RARB: variants seen among roughly 807,000 people sequenced by gnomAD.
RARB encodes the protein retinoic acid receptor beta, also known as HBV-activated protein.
In RARB, 17 loss-of-function variants were observed where a neutral mutation model predicts 51.9. The ratio of observed to expected loss-of-function variants is 0.33; its 90% CI spans 0.22 to 0.49. RARB has a LOEUF of 0.49. RARB is among the 20% of genes least tolerant of loss of function. RARB has a pLI of 0.99. For missense variants in RARB, 369 were observed against 550.8 expected (o/e 0.67, Z 3.30); for synonymous variants, 215 against 195.4 (o/e 1.10, Z -0.84).
intron 2 of RARB, among the ~76,000 whole-genome samples, chr3:24,942,845 T>C (rs1695697221): frequency 6.6e-6 from 1 of 152,206 alleles, no homozygotes; most frequent in Non-Finnish European, 1.5e-5. Flanking sequence ...TTCATAAGAT[T>C]TCACAAAATC....
chr3:25,528,181 C>T (rs1698737684), intron 3 of RARB, among the ~76,000 whole-genome samples: 1 of 152,208 alleles, frequency 6.6e-6, no homozygotes, highest in African/African-American at 2.4e-5. Context: ...AGAGCCTGCC[C>T]ACCATGGAGT....
chr3:25,465,582 C>T (rs763997010), intron 2 of RARB, among the ~76,000 whole-genome samples: 7 of 152,170 alleles, frequency 4.6e-5, no homozygotes, highest in African/African-American at 1.4e-4. Context: ...CTGCTGCAGC[C>T]ATACGATGGT....
chr3:25,019,123 A>T (rs923537601), intron 2 of RARB, among the ~76,000 whole-genome samples: 1 of 152,210 alleles, frequency 6.6e-6, no homozygotes, highest in Admixed American at 6.5e-5. Context: ...TTATAGCCAT[A>T]GAGTTCTCAT....
intron 5 of RARB, among the ~76,000 whole-genome samples, chr3:25,401,852 C>G (rs1227491223): frequency 2.0e-5 from 3 of 152,194 alleles, no homozygotes; most frequent in Non-Finnish European, 4.4e-5. Context: ...TCTAGGTTCA[C>G]TACAACCTCT....
chr3:25,506,182 G>C (rs1181247433), intron 3 of RARB, among the ~76,000 whole-genome samples: 3 of 149,638 alleles, frequency 2.0e-5, no homozygotes, highest in Non-Finnish European at 4.4e-5. Context: ...GAACTTGGGA[G>C]GCGGAGGTTG....
intron 2 of RARB, among the ~76,000 whole-genome samples, chr3:24,948,527 T>C (rs924517751): frequency 1.3e-5 from 2 of 152,184 alleles, no homozygotes; most frequent in Non-Finnish European, 2.9e-5. Flanking sequence ...TGAAAGACAA[T>C]TGAAGAGGTA....
At chr3:25,158,584 CAG>C (rs1468011713) in intron 4 of RARB, among the ~76,000 whole-genome samples, 2 of 152,056 alleles carry the variant, frequency 1.3e-5, no homozygotes, top group Non-Finnish European at 2.9e-5. Context: ...AGAATAATTT[CAG>C]AAGAAAGTCT....
intron 1 of RARB, among the ~76,000 whole-genome samples, chr3:25,445,117 T>G (rs1225224799): frequency 6.6e-6 from 1 of 151,998 alleles, no homozygotes; most frequent in Non-Finnish European, 1.5e-5. Context: ...ACCTGGCTAA[T>G]TTTTTGTATT....
At position 25,347,785 on chromosome 3, in the gene RARB, A is replaced by G. The variant is rs538512239; in HGVS notation, c.179-113408A>G. Reference sequence around the variant, plus strand: ...GAAGAGTGAATGCAATGAAACTCCAATCATTCACACATGTTCATCATTGCC... The same window carrying G: ...GAAGAGTGAATGCAATGAAACTCCAGTCATTCACACATGTTCATCATTGCC... On this transcript the variant is annotated intron_variant, in intron 5 of 11. Coordinates refer to the RARB transcript ENST00000383772. Among the ~76,000 whole-genome samples the G allele has an allele frequency of 3.3e-5, 5 of 152,362 alleles. No homozygotes were observed. In the East Asian group the frequency reaches 9.6e-4, roughly 29 times the overall value.
At chr3:24,884,148 G>C (rs1160820059) in intron 2 of RARB, among the ~76,000 whole-genome samples, 1 of 152,110 alleles carries the variant, frequency 6.6e-6, no homozygotes, top group Non-Finnish European at 1.5e-5. Flanking sequence ...GGAAAATAAA[G>C]CTCTATAGCA....
rs927113200 is a variant in RARB, at chr3:25,593,734, G to A, written c.991+27G>A. ...TACCAACTATGTAGAAAAGCCTCAT[G>A]AAATTCCATGAAGAACAGTTTATAC... On this transcript the variant is annotated intron_variant, in intron 6 of 7. Coordinates refer to ENST00000330688, the MANE Select transcript of RARB (RefSeq NM_000965.5). 6.9e-6 allele frequency: 11 copies of A among 1,595,264 alleles called. No homozygotes were observed. In the African/African-American group the frequency reaches 8.1e-5, roughly 12 times the overall value.
intron 3 of RARB, among the ~76,000 whole-genome samples, chr3:25,521,978 C>G (rs1460222713): frequency 9.9e-5 from 15 of 150,934 alleles, no homozygotes; most frequent in African/African-American, 3.5e-4. Flanking sequence ...AGATTGACTT[C>G]TCTTGCTGCT....
chr3:24,927,004 ACT>A (rs1695334722), intron 2 of RARB, among the ~76,000 whole-genome samples: 1 of 151,990 alleles, frequency 6.6e-6, no homozygotes, highest in Admixed American at 6.6e-5. Context: ...TACACATAAG[ACT>A]CTCAAAGATG....
At chr3:25,541,080 A>G (rs888848829) in intron 3 of RARB, among the ~76,000 whole-genome samples, 1 of 152,232 alleles carries the variant, frequency 6.6e-6, no homozygotes, top group African/African-American at 2.4e-5. Context: ...TTGGAACACA[A>G]CCATGCCTAT....
chr3:25,136,430 A>T (rs1276216607), intron 4 of RARB, among the ~76,000 whole-genome samples: 1 of 152,024 alleles, frequency 6.6e-6, no homozygotes, highest in East Asian at 1.9e-4. Context: ...TTACTGTGAA[A>T]ACTTTGCTTG....
At chr3:24,993,511 T>C (rs56669526) in intron 2 of RARB, among the ~76,000 whole-genome samples, 12,851 of 152,192 alleles carry the variant, frequency 0.084, 1,713 homozygotes, top group African/African-American at 0.29. Flanking sequence ...ATCTGAAATA[T>C]TGACTATGTT....
intron 3 of RARB, among the ~76,000 whole-genome samples, chr3:25,513,854 C>T (rs750396899): frequency 5.7e-4 from 86 of 152,060 alleles, no homozygotes; most frequent in Non-Finnish European, 1.0e-3. Context: ...GGTTTCAACC[C>T]TGTAAGAAAA....
At chr3:25,269,774 C>G (rs1483849) in intron 5 of RARB, among the ~76,000 whole-genome samples, 1 of 152,048 alleles carries the variant, frequency 6.6e-6, no homozygotes, top group East Asian at 1.9e-4. Flanking sequence ...TATTTATAGC[C>G]TAAAACATCT....
chr3:25,479,733 G>C (rs1455583867), intron 2 of RARB, among the ~76,000 whole-genome samples: 1 of 152,130 alleles, frequency 6.6e-6, no homozygotes, highest in Non-Finnish European at 1.5e-5. Flanking sequence ...TCTCATAAAG[G>C]AAGTGGATTA....
Sources: allele counts gnomAD v4.1 joint callset (sites outside exome capture counted in the v4.1 genomes callset), GRCh38; gene constraint gnomAD v4.1.1; transcripts MANE v1.5; gene names NCBI Gene and HGNC (gene_info 2026-07-23, HGNC 2026-07-21).